PCDHGA7: variants seen among roughly 807,000 people sequenced by gnomAD.
PCDHGA7 encodes protocadherin gamma subfamily A, 7, also known as protocadherin gamma-A7.
PCDHGA7 carries 44 observed loss-of-function variants against 58.3 expected under a neutral mutation model. That is an observed-to-expected ratio of 0.75 (90% CI 0.59 to 0.97). The LOEUF is 0.97. Ranked by LOEUF, PCDHGA7 falls within the 50% of genes least tolerant of loss-of-function variation. The pLI, the probability that PCDHGA7 is intolerant of heterozygous loss-of-function variation, is 0.00. For missense variants in PCDHGA7, 1,266 were observed against 1,188.7 expected (o/e 1.06, Z -0.96); for synonymous variants, 516 against 504.2 (o/e 1.02, Z -0.31).
In PCDHGA7 at chr5:141,512,009, CAAGTT is replaced by C. The variant is rs1409890580; in HGVS notation, c.*838_*842del. On this transcript the variant is annotated 3_prime_UTR_variant, in exon 4 of 4. Transcript: ENST00000518325. ...GGGGCATGGACAAAGCTTGACACATCAAGTTATCAAGGCCTTGGAGGAGGCTCTGT... is the reference window on the plus strand; with the variant it reads ...GGGGCATGGACAAAGCTTGACACATCATCAAGGCCTTGGAGGAGGCTCTGT... 1 of 153,074 alleles carries C rather than the reference CAAGTT, an allele frequency of 6.5e-6. No individual in the cohort carries two copies. The highest frequency in any genetic ancestry group is 1.9e-4 in the East Asian group (1 of 5,182). 9.5% of individuals were successfully genotyped at this position (153,074 alleles called of 1,614,324 possible).
chr5:141,498,814 T>G (rs2099785952), intron 2 of PCDHGA7, among the ~76,000 whole-genome samples: 1 of 151,956 alleles, frequency 6.6e-6, no homozygotes. Flanking sequence ...ACACCTGTAG[T>G]CCCAGCTACT....
At chr5:141,413,806 A>G (rs775797735) in intron 1 of PCDHGA7, 1 of 1,613,168 alleles carries the variant, frequency 6.2e-7, no homozygotes, top group Non-Finnish European at 8.5e-7. Context: ...GGAAGAGGCC[A>G]TTCACCACCT....
intron 1 of PCDHGA7, among the ~76,000 whole-genome samples, chr5:141,462,990 A>T (rs181384059): frequency 1.8e-3 from 278 of 152,244 alleles, no homozygotes; most frequent in Non-Finnish European, 3.4e-3. Context: ...GCCTTGGGCT[A>T]ATTTAGACCT....
chr5:141,413,010 C>A, intron 1 of PCDHGA7: 1 of 640,210 alleles, frequency 1.6e-6, no homozygotes. Flanking sequence ...AGGGCTTCAA[C>A]TACACAAGCC....
intron 1 of PCDHGA7, chr5:141,417,739 C>T: frequency 6.4e-6 from 9 of 1,411,706 alleles, no homozygotes; most frequent in Non-Finnish European, 5.6e-6. Flanking sequence ...GCCCAGCACA[C>T]CAGATTGCCA....
chr5:141,458,408 C>T (rs895785923), intron 1 of PCDHGA7, among the ~76,000 whole-genome samples: 3 of 151,932 alleles, frequency 2.0e-5, no homozygotes, highest in Non-Finnish European at 2.9e-5. Context: ...AGAGACGGAG[C>T]GGGGGTTCCA....
At chr5:141,463,773 C>A (rs2099069188) in intron 1 of PCDHGA7, among the ~76,000 whole-genome samples, 1 of 152,088 alleles carries the variant, frequency 6.6e-6, no homozygotes, top group Non-Finnish European at 1.5e-5. Context: ...GGGTTAGAAT[C>A]CTGCACTGTC....
At chr5:141,505,583 T>C (rs2099846941) in intron 3 of PCDHGA7, 102 bp downstream of exon 3, 3 of 1,583,532 alleles carry the variant, frequency 1.9e-6, no homozygotes, top group Non-Finnish European at 2.6e-6. Flanking sequence ...ACCTGTGTAG[T>C]TTCTCCAGAT....
chr5:141,482,288 C>G (rs1413786764), intron 1 of PCDHGA7, among the ~76,000 whole-genome samples: 1 of 152,078 alleles, frequency 6.6e-6, no homozygotes, highest in Non-Finnish European at 1.5e-5. Context: ...GTCTTTTAAT[C>G]TCTTTAAACT....
intron 2 of PCDHGA7, among the ~76,000 whole-genome samples, chr5:141,503,688 T>A (rs2099828724): frequency 6.6e-6 from 1 of 152,042 alleles, no homozygotes; most frequent in African/African-American, 2.4e-5. Context: ...GGAAGGAGAA[T>A]TGAGATTCCT....
intron 1 of PCDHGA7, chr5:141,423,194 C>T (rs1467994226): frequency 3.7e-6 from 6 of 1,613,588 alleles, no homozygotes; most frequent in South Asian, 1.1e-5. Context: ...CCCCCTCTCT[C>T]GGCCACCGTC....
At position 141,491,303 on chromosome 5, in the gene PCDHGA7, C is replaced by T; in HGVS notation, c.2425-3504C>T. On this transcript the variant is annotated intron_variant, in intron 1 of 3. Coordinates refer to ENST00000518325, the MANE Select transcript of PCDHGA7 (RefSeq NM_018920.4). This position sits in a 1 kb window ranked among gnomAD's most constrained non-coding sequence, Gnocchi z 6.9. ...TTCCTCATACACCCTCCTGAGCGTT[C>T]AGACCTTACCCTTTACCTCATTGTG... 6.2e-7 allele frequency: 1 copy of T among 1,614,132 alleles called. No homozygotes were observed. The highest frequency in any genetic ancestry group is 8.5e-7 in the Non-Finnish European group (1 of 1,179,962).
At chr5:141,505,300 G>A in intron 2 of PCDHGA7, 93 bp from the exon 3 acceptor site, 1 of 1,589,042 alleles carries the variant, frequency 6.3e-7, no homozygotes, top group South Asian at 1.1e-5. Flanking sequence ...GGTAGGGTTA[G>A]GGTACTAGGT....
chr5:141,388,919 G>T, intron 1 of PCDHGA7: 1 of 1,613,998 alleles, frequency 6.2e-7, no homozygotes. Flanking sequence ...CCCCAGAAGT[G>T]ATATTCCAGT....
chr5:141,397,512 A>G (rs1043730091), intron 1 of PCDHGA7, among the ~76,000 whole-genome samples: 1 of 152,242 alleles, frequency 6.6e-6, no homozygotes, highest in Non-Finnish European at 1.5e-5. Context: ...AATTGTTTCC[A>G]TAGCTAATAA....
intron 1 of PCDHGA7, among the ~76,000 whole-genome samples, chr5:141,443,521 T>A (rs2098392520): frequency 6.6e-6 from 1 of 152,156 alleles, no homozygotes; most frequent in Admixed American, 6.6e-5. Context: ...TCTCTCCTTA[T>A]GACTTATTTA....
chr5:141,385,105 C>T lies in PCDHGA7; in HGVS notation c.2206C>T (p.Pro736Ser). ...TTCAGAAGGTGGCTTGGCGAACGTG[C>T]CCACCTCGCACTTTGTGGGCATGGA... ...QASEGGLANV[P>S]TSHFVGMDGV... Residue 736 changes from proline to serine, a missense_variant, in exon 1 of 4, where the codon CCC becomes TCC. Transcript: ENST00000518325. 3 of 1,614,176 alleles carry T rather than the reference C, an allele frequency of 1.9e-6. No homozygotes were observed. Among genetic ancestry groups the T allele is most frequent in the Non-Finnish European group, 2.5e-6 (3 of 1,180,044 alleles).
At chr5:141,421,873 T>G (rs1219669838) in intron 1 of PCDHGA7, 3 of 1,613,592 alleles carry the variant, frequency 1.9e-6, no homozygotes, top group Non-Finnish European at 2.5e-6. Context: ...CCTCACAGCT[T>G]TAGATGGAGG....
intron 1 of PCDHGA7, among the ~76,000 whole-genome samples, chr5:141,451,429 G>A (rs577699188): frequency 1.3e-3 from 195 of 152,306 alleles, no homozygotes; most frequent in African/African-American, 4.5e-3. Flanking sequence ...TAGACTAAGG[G>A]TTCCAGTTCC....
Sources: gnomAD v4.1 joint callset for allele counts (sites outside exome capture counted in the v4.1 genomes callset) on GRCh38, gnomAD v4.1.1 for gene constraint, Gnocchi (gnomAD v3.1) non-coding constraint, MANE v1.5 for transcripts, NCBI Gene and HGNC (gene_info 2026-07-23, HGNC 2026-07-21) for gene names.